Variants in FAM98B observed in about 807,000 individuals in gnomAD.
FAM98B encodes tRNA splicing ligase complex subunit 3B, also known as tRNA-splicing ligase complex subunit FAM98B.
Under a neutral mutation model 43.9 loss-of-function variants are expected in FAM98B, and 32 were observed. The observed-to-expected ratio is 0.73, with a 90% confidence interval of 0.55 to 0.98. The LOEUF is 0.98. FAM98B is among the 50% of genes least tolerant of loss of function. The pLI is 0.00. For synonymous variants in FAM98B, 190 were observed against 174.0 expected (o/e 1.09, Z -0.72); for missense variants, 514 against 522.9 (o/e 0.98, Z 0.17).
At position 38,465,379 on chromosome 15, in the gene FAM98B, AAGG is replaced by A; in HGVS notation, c.333_335del (p.Glu111del). On this transcript the variant is annotated inframe_deletion, in exon 3 of 8. Coordinates refer to ENST00000397609, the MANE Select transcript of FAM98B (RefSeq NM_173611.4). ...AGATATTAAAGATCGTTTAAAAAAGAAGGAGGACTGTTTGAAACTTCTATGTAA... is the reference window on the plus strand; with the variant it reads ...AGATATTAAAGATCGTTTAAAAAAGAAGGACTGTTTGAAACTTCTATGTAA... 4 of 1,600,354 alleles carry A rather than the reference AAGG, an allele frequency of 2.5e-6. No homozygotes were observed. The highest frequency in any genetic ancestry group is 3.4e-6 in the Non-Finnish European group (4 of 1,174,564).
chr15:38,460,718 C>T (rs1334252932), intron 1 of FAM98B, among the ~76,000 whole-genome samples: 3 of 152,194 alleles, frequency 2.0e-5, no homozygotes, highest in African/African-American at 7.2e-5. Context: ...CAGAACAATA[C>T]AGGCTAAGAG....
In FAM98B at chr15:38,474,233, C is replaced by T; in HGVS notation, c.664C>T (p.Arg222Ter). 6 of 1,613,752 alleles carry T rather than the reference C, an allele frequency of 3.7e-6. No individual in the cohort carries two copies. Among genetic ancestry groups the T allele is most frequent in the Non-Finnish European group, 4.2e-6 (5 of 1,179,780 alleles). ...DALSCEYECR[R>*]RMLMKRLDVT... ...TCTTTCCTGTGAATATGAGTGCCGC[C>T]GACGAATGTTAATGAAACGATTAGA... is the stretch of plus-strand genomic sequence containing the variant. Residue 222 changes from arginine (R) to a stop codon, truncating the protein, a stop_gained, in exon 6 of 8, where the codon CGA (arginine) becomes TGA (stop). Transcript: ENST00000397609. LOFTEE classifies it high-confidence loss of function.
At chr15:38,461,747 T>A (rs1375112830) in intron 1 of FAM98B, among the ~76,000 whole-genome samples, 1 of 152,150 alleles carries the variant, frequency 6.6e-6, no homozygotes. Flanking sequence ...TACGTCTTGC[T>A]TGTAAGAGAA....
In FAM98B at chr15:38,485,574, A is replaced by G. The variant is rs939598605; in HGVS notation, c.*915A>G. ...TTCACAGCTAGATTTGGGAAACACAAAGTTAGGGAATGGCTATATGTGATT... is the reference window on the plus strand; with the variant it reads ...TTCACAGCTAGATTTGGGAAACACAGAGTTAGGGAATGGCTATATGTGATT... On this transcript the variant is annotated 3_prime_UTR_variant, in exon 8 of 8. Coordinates refer to ENST00000397609, the MANE Select transcript of FAM98B (RefSeq NM_173611.4). The G allele has an allele frequency of 6.6e-6, 1 of 152,198 alleles. No homozygotes were observed. The highest frequency in any genetic ancestry group is 1.5e-5 in the Non-Finnish European group (1 of 68,042). The allele number at this position is 152,198 out of a possible 1,614,324, so 9.4% of individuals were successfully genotyped here.
At chr15:38,460,701 A>G (rs1428025688) in intron 1 of FAM98B, among the ~76,000 whole-genome samples, 2 of 152,210 alleles carry the variant, frequency 1.3e-5, no homozygotes, top group Non-Finnish European at 2.9e-5. Context: ...ACATTTCTGG[A>G]TGGTGACAGA....
intron 3 of FAM98B, among the ~76,000 whole-genome samples, chr15:38,468,300 A>G (rs1037176821): frequency 6.6e-6 from 1 of 152,082 alleles, no homozygotes; most frequent in South Asian, 2.1e-4. Flanking sequence ...TGATGGTGCG[A>G]TTGTAGCCCC....
At chr15:38,484,059 G>A (rs73384141) in intron 7 of FAM98B, among the ~76,000 whole-genome samples, 196 bp from the exon 8 acceptor site, 7,459 of 151,800 alleles carry the variant, frequency 0.049, 474 homozygotes, top group African/African-American at 0.15. Context: ...CTGTCTAGCC[G>A]TGATTTTGTA....
At chr15:38,456,649 A>T (rs1889853313) in intron 1 of FAM98B, among the ~76,000 whole-genome samples, 1 of 152,210 alleles carries the variant, frequency 6.6e-6, no homozygotes, top group South Asian at 2.1e-4. Context: ...AGGATCTAAG[A>T]AGTCTTAGGG....
At chr15:38,474,102 C>T in intron 5 of FAM98B, 80 bp from the exon 6 acceptor site, 1 of 1,029,008 alleles carries the variant, frequency 9.7e-7, no homozygotes, top group South Asian at 1.4e-5. Context: ...GTAGGAAGTA[C>T]TTAGCACAAT....
intron 1 of FAM98B, among the ~76,000 whole-genome samples, chr15:38,459,747 G>A (rs1218521467): frequency 1.3e-5 from 2 of 152,210 alleles, no homozygotes; most frequent in African/African-American, 4.8e-5. Context: ...GGCTCCCTTG[G>A]GTACCCTGGC....
intron 6 of FAM98B, among the ~76,000 whole-genome samples, chr15:38,480,941 C>A (rs72727358): frequency 0.014 from 2,098 of 152,106 alleles, 26 homozygotes; most frequent in Admixed American, 0.02. Context: ...ACCATTTATA[C>A]AAGTTTTCCT....
At chr15:38,477,341 G>A (rs548533456) in intron 6 of FAM98B, among the ~76,000 whole-genome samples, 64 of 151,876 alleles carry the variant, frequency 4.2e-4, no homozygotes, top group African/African-American at 1.5e-3. Context: ...TCCAGGAAAG[G>A]AGTAGCAGCA....
At chr15:38,457,194 AT>A (rs1889862422) in intron 1 of FAM98B, among the ~76,000 whole-genome samples, 1 of 152,094 alleles carries the variant, frequency 6.6e-6, no homozygotes, top group South Asian at 2.1e-4. Flanking sequence ...ATTTTAAAAA[AT>A]TTTTTAGATA....
intron 1 of FAM98B, among the ~76,000 whole-genome samples, chr15:38,462,141 T>A (rs1889959230): frequency 6.6e-6 from 1 of 152,168 alleles, no homozygotes; most frequent in East Asian, 1.9e-4. Context: ...TATGTGTGTG[T>A]GAGCATGTAT....
rs980965716 is a variant in FAM98B, at chr15:38,481,444, A to G, written c.882A>G (p.Ala294=). The change falls in exon 7 of 8, where the codon GCA becomes GCG. Residue 294 remains alanine (A), a synonymous_variant. Transcript: ENST00000397609. The part of the protein sequence containing the change: ...TSSGTSREKT[A]CAINKVLMGR... ...GTGGCACCAGCCGGGAGAAGACCGC[A>G]TGTGCCATTAATAAGGTTGGTGTTT... 1.2e-6 allele frequency: 2 copies of G among 1,614,108 alleles called. No homozygotes were observed. Among genetic ancestry groups the G allele is most frequent in the Admixed American group, 3.3e-5 (2 of 60,002 alleles).
At position 38,470,447 on chromosome 15, in the gene FAM98B, G is replaced by T. The variant is rs77282377; in HGVS notation, c.531+42G>T. 1,570 of 1,506,506 alleles carry T rather than the reference G, an allele frequency of 1.0e-3. 18 individuals are homozygous for T. In the African/African-American group the frequency reaches 0.018, roughly 17 times the overall value. The allele number at this position is 1,506,506 out of a possible 1,614,324, so 93.3% of individuals were successfully genotyped here. A position where few individuals can be genotyped will look rare whatever the true frequency, so the allele number is the denominator to read the frequency against. On this transcript the variant is annotated intron_variant, in intron 4 of 7. Coordinates refer to ENST00000397609, the MANE Select transcript of FAM98B (RefSeq NM_173611.4). The stretch of plus-strand genomic sequence containing the variant: ...ATTTTCCCCAAAATTCAACTGAATG[G>T]TAACATGTAAGTGCTATATTAAAAA...
At chr15:38,464,730 A>G (rs79736505) in intron 2 of FAM98B, among the ~76,000 whole-genome samples, 1,742 of 152,268 alleles carry the variant, frequency 0.011, 20 homozygotes, top group Non-Finnish European at 0.019. Flanking sequence ...GAAAAATTAA[A>G]AATTGTGCAT....
rs1207304968 is a variant in FAM98B, at chr15:38,484,346, A to G, written c.989A>G (p.Glu330Gly). The G allele has an allele frequency of 5.2e-6, 8 of 1,535,200 alleles. No homozygotes were observed. In the South Asian group the frequency reaches 7.2e-5, roughly 14 times the overall value. ...ATGCCCCCTTGGCAAAAGAGACAAGAAGGCGGCGGTGGAAGGGGTGGTTGG... is the reference window on the plus strand; with the variant it reads ...ATGCCCCCTTGGCAAAAGAGACAAGGAGGCGGCGGTGGAAGGGGTGGTTGG... ...PEMPPWQKRQ[E>G]GGGGRGGWGG... The change falls in exon 8 of 8, where the codon GAA becomes GGA. Residue 330 changes from glutamate (E) to glycine (G), a missense_variant. Coordinates refer to ENST00000397609, the MANE Select transcript of FAM98B (RefSeq NM_173611.4).
Position 38,473,394 on chromosome 15 carries a change from T to A in FAM98B, c.532-111T>A, listed in dbSNP as rs1890153343. 4.2e-6 allele frequency: 3 copies of A among 706,530 alleles called. No homozygotes were observed. The East Asian group carries it at 8.8e-5, about 21-fold the overall frequency. 43.8% of individuals were successfully genotyped at this position (706,530 alleles called of 1,614,324 possible). A position where few individuals can be genotyped will look rare whatever the true frequency, so the allele number is the denominator to read the frequency against. On this transcript the variant is annotated intron_variant, in intron 4 of 7. Coordinates refer to ENST00000397609, the MANE Select transcript of FAM98B (RefSeq NM_173611.4). ...GGTATATGATGGTATATTTTAATTA[T>A]GTCACTTTAATATTTTATTCTGTAG...
Sources: allele counts gnomAD v4.1 joint callset (sites outside exome capture counted in the v4.1 genomes callset), GRCh38; gene constraint gnomAD v4.1.1; transcripts MANE v1.5; gene names NCBI Gene and HGNC (gene_info 2026-07-23, HGNC 2026-07-21).